TNNI3K: variants seen among roughly 807,000 people sequenced by gnomAD.
The protein encoded by TNNI3K is TNNI3 interacting kinase.
Under a neutral mutation model 114.5 loss-of-function variants are expected in TNNI3K, and 140 were observed. The observed-to-expected ratio is 1.22, with a 90% CI of 1.07 to 1.41. The LOEUF is 1.41. Among genes scored for constraint, TNNI3K ranks in the 40% most tolerant of loss-of-function variants. The pLI is 0.00. For missense variants in TNNI3K, 1,125 were observed against 1,007.6 expected (o/e 1.12, Z -1.58); for synonymous variants, 347 against 347.5 (o/e 1.00, Z 0.02).
chr1:74,519,952 T>C (rs553600530), intron 23 of TNNI3K, among the ~76,000 whole-genome samples: 3 of 152,254 alleles, frequency 2.0e-5, no homozygotes, highest in Admixed American at 6.5e-5. Context: ...TATTTCTCCT[T>C]TGGATACTGC....
chr1:74,430,689 T>C (rs1235186893), intron 17 of TNNI3K, among the ~76,000 whole-genome samples: 1 of 151,868 alleles, frequency 6.6e-6, no homozygotes, highest in Non-Finnish European at 1.5e-5. Context: ...TTCAAAGAGA[T>C]AAATACTCAC....
chr1:74,303,660 ATTTCAAC>A (rs1222996580), intron 5 of TNNI3K, among the ~76,000 whole-genome samples: 1 of 152,234 alleles, frequency 6.6e-6, no homozygotes, highest in African/African-American at 2.4e-5. Context: ...CCAAGGAATA[ATTTCAAC>A]TTTCAAGTTT....
intron 21 of TNNI3K, among the ~76,000 whole-genome samples, chr1:74,476,695 A>G (rs1171719340): frequency 6.6e-6 from 1 of 152,190 alleles, no homozygotes; most frequent in African/African-American, 2.4e-5. Context: ...TACAGATTGA[A>G]TAAAGAGATC....
intron 23 of TNNI3K, 120 bp from the exon 24 acceptor site, chr1:74,540,114 G>C: frequency 9.7e-7 from 1 of 1,027,492 alleles, no homozygotes; most frequent in Non-Finnish European, 1.4e-6. Flanking sequence ...TAAGATAAAA[G>C]CTGCTTTGTA....
At chr1:74,301,467 A>T (rs900737689) in intron 5 of TNNI3K, among the ~76,000 whole-genome samples, 3 of 152,292 alleles carry the variant, frequency 2.0e-5, no homozygotes, top group Non-Finnish European at 4.4e-5. Flanking sequence ...TAGAAAAGGT[A>T]AAAACAGAAA....
At chr1:74,247,281 A>G (rs1486601006) in intron 2 of TNNI3K, among the ~76,000 whole-genome samples, 1 of 151,416 alleles carries the variant, frequency 6.6e-6, no homozygotes, top group East Asian at 1.9e-4. Context: ...GCGCATCTGG[A>G]GTTGTTTGTT....
intron 4 of TNNI3K, among the ~76,000 whole-genome samples, chr1:74,254,492 T>TA (rs1381988901): frequency 6.6e-6 from 1 of 152,222 alleles, no homozygotes; most frequent in Admixed American, 6.5e-5. Context: ...TGTATTTTTT[T>TA]ATCTTAATAT....
rs187637846 is a variant in TNNI3K, at chr1:74,383,774, T to G, written c.1772+13382T>G. On this transcript the variant is annotated intron_variant, in intron 17 of 24. Transcript: ENST00000326637. The stretch of plus-strand genomic sequence containing the variant: ...TCAAGAAACATAAGGATAACATATA[T>G]TAATGTTCTTTATGCCAGGTATTGA... 2.0e-5 allele frequency among the ~76,000 whole-genome samples: 3 copies of G among 152,240 alleles called. No individual in the cohort carries two copies. The East Asian group carries it at 5.8e-4, about 29-fold the overall frequency.
At position 74,439,530 on chromosome 1, in the gene TNNI3K, C is replaced by T. The variant is rs761849044; in HGVS notation, c.1919C>T (p.Thr640Ile). Residue 640 changes from threonine (T) to isoleucine (I), a missense_variant, in exon 20 of 25, where the codon ACT becomes ATT. Transcript: ENST00000326637. ...WMAPEVFTQC[T>I]RYTIKADVFS... ...GCTCCTGAGGTGTTCACGCAGTGCA[C>T]TCGGTACACCATCAAAGCAGATGTC... is the stretch of plus-strand genomic sequence containing the variant. 3 of 1,613,484 alleles carry T rather than the reference C, an allele frequency of 1.9e-6. No individual in the cohort carries two copies.
intron 5 of TNNI3K, among the ~76,000 whole-genome samples, chr1:74,307,178 T>G (rs1405189453): frequency 6.6e-6 from 1 of 152,178 alleles, no homozygotes; most frequent in African/African-American, 2.4e-5. Flanking sequence ...CAAAAGCACA[T>G]GTAAGTACAA....
chr1:74,292,001 TCTAC>T (rs1657707327), intron 5 of TNNI3K, among the ~76,000 whole-genome samples: 1 of 151,538 alleles, frequency 6.6e-6, no homozygotes, highest in Non-Finnish European at 1.5e-5. Flanking sequence ...TGTTCATTTA[TCTAC>T]TTATCTAGTC....
intron 9 of TNNI3K, chr1:74,346,293 CA>C (rs1660995711): frequency 1.3e-5 from 2 of 152,102 alleles, no homozygotes; most frequent in Non-Finnish European, 1.5e-5. Flanking sequence ...TTTGGAGAGA[CA>C]GTAGATGGTT....
At chr1:74,414,370 T>A (rs563791904) in intron 17 of TNNI3K, among the ~76,000 whole-genome samples, 1 of 152,278 alleles carries the variant, frequency 6.6e-6, no homozygotes, top group African/African-American at 2.4e-5. Context: ...CATAGGACCA[T>A]TTATCTGGCA....
intron 20 of TNNI3K, among the ~76,000 whole-genome samples, chr1:74,448,335 G>A (rs1666805729): frequency 6.9e-6 from 1 of 145,740 alleles, no homozygotes; most frequent in South Asian, 2.1e-4. Flanking sequence ...CTTTGCTGAA[G>A]TTGCTTATCA....
intron 5 of TNNI3K, among the ~76,000 whole-genome samples, chr1:74,296,986 C>T (rs1557481663): frequency 1.3e-5 from 2 of 152,102 alleles, no homozygotes; most frequent in Admixed American, 1.3e-4. Flanking sequence ...GAAAATCCCT[C>T]AGGCATTTCT....
chr1:74,235,499 T>C lies in TNNI3K; in HGVS notation c.40+8T>C. The C allele has an allele frequency of 7.4e-7, 1 of 1,349,146 alleles. No homozygotes were observed. The highest frequency in any genetic ancestry group is 1.3e-5 in the South Asian group (1 of 79,288). The allele number at this position is 1,349,146 out of a possible 1,614,324, so 83.6% of individuals were successfully genotyped here. Reference sequence around the variant, plus strand: ...CAACCCAAACTTGTACTGGTAATTATTCTAATTATTCTTATTTCCTTAAGT... The same window carrying C: ...CAACCCAAACTTGTACTGGTAATTACTCTAATTATTCTTATTTCCTTAAGT... On this transcript the variant is annotated splice_region_variant and intron_variant, in intron 1 of 24. Transcript: ENST00000326637.
chr1:74,490,894 A>T, intron 22 of TNNI3K, among the ~76,000 whole-genome samples: 1 of 152,238 alleles, frequency 6.6e-6, no homozygotes, highest in East Asian at 1.9e-4. Context: ...GCCAAAGAAA[A>T]AATAATAAAA....
In TNNI3K at chr1:74,436,505, C is replaced by T; in HGVS notation, c.1857C>T (p.Asp619=). The T allele has an allele frequency of 6.3e-7, 1 of 1,588,022 alleles. No individual in the cohort carries two copies. The highest frequency in any genetic ancestry group is 8.5e-7 in the Non-Finnish European group (1 of 1,173,334). ...GATTTCTACAGTCTCTGGATGAAGA[C>T]AACATGACAAAACAACCTGGGGTTT... is the stretch of plus-strand genomic sequence containing the variant. The part of the protein sequence containing the change: ...ESRFLQSLDE[D]NMTKQPGNLR... The change falls in exon 19 of 25, where the codon GAC becomes GAT. Residue 619 remains aspartate (D), a synonymous_variant. Coordinates refer to ENST00000326637, the MANE Select transcript of TNNI3K (RefSeq NM_015978.3).
intron 19 of TNNI3K, among the ~76,000 whole-genome samples, chr1:74,437,918 G>C (rs1193002489): frequency 6.6e-6 from 1 of 151,722 alleles, no homozygotes; most frequent in Non-Finnish European, 1.5e-5. Context: ...AAAGCAGTTA[G>C]TTGAGACTCT....
Sources: allele counts gnomAD v4.1 joint callset (sites outside exome capture counted in the v4.1 genomes callset), GRCh38; gene constraint gnomAD v4.1.1; transcripts MANE v1.5; gene names NCBI Gene and HGNC (gene_info 2026-07-23, HGNC 2026-07-21).